MACROD2: variants seen among roughly 807,000 people sequenced by gnomAD.
The protein encoded by MACROD2 is mono-ADP ribosylhydrolase 2, also known as ADP-ribose glycohydrolase MACROD2.
Under a neutral mutation model 70.4 loss-of-function variants are expected in MACROD2, and 36 were observed. The ratio of observed to expected loss-of-function variants is 0.51; its 90% CI spans 0.39 to 0.68. MACROD2 has a LOEUF of 0.68. MACROD2 is among the 30% of genes least tolerant of loss of function. The pLI, the probability that MACROD2 is intolerant of heterozygous loss-of-function variation, is 0.00. For synonymous variants in MACROD2, 172 were observed against 178.8 expected, an observed-to-expected ratio of 0.96 and a Z score of 0.30; for missense variants, 496 against 538.4, an observed-to-expected ratio of 0.92 and a Z score of 0.78.
At chr20:14,336,334 A>AT (rs897913995) in intron 3 of MACROD2, among the ~76,000 whole-genome samples, 24 of 151,964 alleles carry the variant, frequency 1.6e-4, no homozygotes, top group African/African-American at 4.8e-4. Flanking sequence ...AAAAAAATCA[A>AT]TTTTTTTTCT....
intron 3 of MACROD2, among the ~76,000 whole-genome samples, chr20:14,136,739 A>C (rs1309637756): frequency 1.3e-5 from 2 of 152,224 alleles, no homozygotes; most frequent in Non-Finnish European, 2.9e-5. Flanking sequence ...TTTGCTATGT[A>C]CTAGGCACAT....
intron 5 of MACROD2, among the ~76,000 whole-genome samples, chr20:14,954,329 A>G (rs537871578): frequency 1.3e-5 from 2 of 151,574 alleles, no homozygotes; most frequent in South Asian, 4.1e-4. Context: ...CATTTGTTGG[A>G]TCTACTTATG....
At chr20:14,976,619 G>A (rs1293756376) in intron 5 of MACROD2, among the ~76,000 whole-genome samples, 1 of 152,104 alleles carries the variant, frequency 6.6e-6, no homozygotes, top group Non-Finnish European at 1.5e-5. Flanking sequence ...GGACATACTT[G>A]GGGGCTATTT....
At chr20:15,203,619 G>A (rs901965519) in intron 5 of MACROD2, among the ~76,000 whole-genome samples, 1 of 152,136 alleles carries the variant, frequency 6.6e-6, no homozygotes, top group Non-Finnish European at 1.5e-5. Context: ...ATTAACTTAT[G>A]TGTTAACTGC....
At chr20:15,088,440 TATATATATATA>T in intron 5 of MACROD2, among the ~76,000 whole-genome samples, 1 of 95,520 alleles carries the variant, frequency 1.0e-5, no homozygotes, top group African/African-American at 4.4e-5. Flanking sequence ...TATATATATA[TATATATATATA>T]ATATTTTGTG....
At chr20:14,448,654 C>T (rs1450236380) in intron 3 of MACROD2, among the ~76,000 whole-genome samples, 1 of 150,768 alleles carries the variant, frequency 6.6e-6, no homozygotes, top group Non-Finnish European at 1.5e-5. Flanking sequence ...GGCAATAGAT[C>T]GACACTCCCT....
chr20:14,713,421 C>T (rs2071360931), intron 5 of MACROD2, among the ~76,000 whole-genome samples: 1 of 152,162 alleles, frequency 6.6e-6, no homozygotes, highest in South Asian at 2.1e-4. Flanking sequence ...ACTCCAGAGT[C>T]TCTTTTTTCT....
chr20:14,911,089 A>G (rs2074021428), intron 5 of MACROD2, among the ~76,000 whole-genome samples: 2 of 152,170 alleles, frequency 1.3e-5, no homozygotes, highest in South Asian at 4.1e-4. Flanking sequence ...TCTCAGTTCT[A>G]ATCACTATGA....
intron 3 of MACROD2, among the ~76,000 whole-genome samples, chr20:14,306,555 A>G (rs1031531198): frequency 1.3e-5 from 2 of 152,174 alleles, no homozygotes; most frequent in African/African-American, 4.8e-5. Flanking sequence ...ATACAGGATT[A>G]TACCTCACAG....
rs1247510049 is a variant in MACROD2, at chr20:15,364,659, T to C, written c.541-66746T>C. Reference sequence around the variant, plus strand: ...ATGTGAATGGTCTCTCAAATCTACCTTTTGATCAGAGCTTTACAAGCCTGT... The same window carrying C: ...ATGTGAATGGTCTCTCAAATCTACCCTTTGATCAGAGCTTTACAAGCCTGT... On this transcript the variant is annotated intron_variant, in intron 6 of 17. Transcript: ENST00000684519. Among the ~76,000 whole-genome samples the C allele has an allele frequency of 2.0e-5, 3 of 152,226 alleles. No homozygotes were observed. The East Asian group carries it at 5.8e-4, about 29-fold the overall frequency.
intron 8 of MACROD2, among the ~76,000 whole-genome samples, chr20:15,568,486 A>G (rs538974471): frequency 6.6e-6 from 1 of 152,318 alleles, no homozygotes; most frequent in East Asian, 1.9e-4. Flanking sequence ...GACCTACACT[A>G]ACAAATGGCT....
At chr20:16,015,642 G>A (rs1289675761) in intron 15 of MACROD2, among the ~76,000 whole-genome samples, 1 of 152,134 alleles carries the variant, frequency 6.6e-6, no homozygotes, top group Non-Finnish European at 1.5e-5. Flanking sequence ...TCTTCCCAAA[G>A]TAGCCTTTGT....
In MACROD2 at chr20:15,571,448, C is replaced by T. The variant is rs1204720763; in HGVS notation, c.645+71601C>T. Among the ~76,000 whole-genome samples, 4 of 150,812 alleles carry T rather than the reference C, an allele frequency of 2.7e-5. No homozygotes were observed. The East Asian group carries it at 7.8e-4, about 29-fold the overall frequency. Reference sequence around the variant, plus strand: ...TTTTTCTTTTTTTTTGGAAATGTTACTTTGTTAGGAAAATACACCCTACTA... The same window carrying T: ...TTTTTCTTTTTTTTTGGAAATGTTATTTTGTTAGGAAAATACACCCTACTA... On this transcript the variant is annotated intron_variant, in intron 8 of 17. Coordinates refer to ENST00000684519, the MANE Select transcript of MACROD2 (RefSeq NM_001351661.2).
At chr20:14,851,417 C>T (rs1029727077) in intron 5 of MACROD2, among the ~76,000 whole-genome samples, 1 of 152,184 alleles carries the variant, frequency 6.6e-6, no homozygotes, top group Admixed American at 6.5e-5. Context: ...TTACCAAATT[C>T]TATTTAATCT....
intron 6 of MACROD2, among the ~76,000 whole-genome samples, chr20:15,324,812 G>T (rs548443098): frequency 2.0e-5 from 3 of 152,254 alleles, no homozygotes; most frequent in African/African-American, 7.2e-5. Context: ...GAACCTATTA[G>T]CTAAATCCCT....
Position 15,139,013 on chromosome 20 carries a change from C to A in MACROD2, c.419-90927C>A, listed in dbSNP as rs1444147915. 2.0e-5 allele frequency among the ~76,000 whole-genome samples: 3 copies of A among 152,114 alleles called. No homozygotes were observed. In the South Asian group the frequency reaches 6.2e-4, roughly 31 times the overall value. ...GTATCAGAATTGTACCGTAAAAGCA[C>A]CCCTAAAGCTTGACAATGTTCTAGT... is the stretch of plus-strand genomic sequence containing the variant. On this transcript the variant is annotated intron_variant, in intron 5 of 17. Transcript: ENST00000684519.
chr20:14,827,201 A>G (rs573807498), intron 5 of MACROD2, among the ~76,000 whole-genome samples: 1 of 152,226 alleles, frequency 6.6e-6, no homozygotes, highest in East Asian at 1.9e-4. Flanking sequence ...CTCCAACTAC[A>G]TTAAAAAATT....
chr20:15,110,755 C>T (rs1006584363), intron 5 of MACROD2, among the ~76,000 whole-genome samples: 15 of 152,158 alleles, frequency 9.9e-5, no homozygotes, highest in African/African-American at 3.6e-4. Context: ...GGAGAGGCCT[C>T]CATCAACCCT....
At position 15,759,392 on chromosome 20, in the gene MACROD2, C is replaced by G. The variant is rs141330754; in HGVS notation, c.646-103353C>G. ...TTACAGAAATGTGTACTCCAATGCA[C>G]AAATGCCTGATAGAGGATAATGACG... On this transcript the variant is annotated intron_variant, in intron 8 of 17. Coordinates refer to ENST00000684519, the MANE Select transcript of MACROD2 (RefSeq NM_001351661.2). Among the ~76,000 whole-genome samples, 6 of 152,240 alleles carry G rather than the reference C, an allele frequency of 3.9e-5. No individual in the cohort carries two copies. In the East Asian group the frequency reaches 9.7e-4, roughly 25 times the overall value.
Sources: gnomAD v4.1 joint callset for allele counts (sites outside exome capture counted in the v4.1 genomes callset) on GRCh38, gnomAD v4.1.1 for gene constraint, MANE v1.5 for transcripts, NCBI Gene and HGNC (gene_info 2026-07-23, HGNC 2026-07-21) for gene names.